Variants in RAP1A observed in about 807,000 individuals in gnomAD.
RAP1A encodes the protein ras-related protein Rap-1A.
RAP1A carries 6 observed loss-of-function variants against 26.4 expected under a neutral mutation model. The ratio of observed to expected loss-of-function variants is 0.23; its 90% CI spans 0.12 to 0.45. RAP1A has a LOEUF of 0.45. Ranked by LOEUF, RAP1A falls within the 20% of genes least tolerant of loss-of-function variation. RAP1A has a pLI of 0.99. For missense variants in RAP1A, 121 were observed against 217.2 expected (o/e 0.56, Z 2.78); for synonymous variants, 73 against 79.4 (o/e 0.92, Z 0.43).
chr1:111,617,111 G>A (rs140789271), upstream of RAP1A, among the ~76,000 whole-genome samples: 523 of 152,172 alleles, frequency 3.4e-3, 4 homozygotes, highest in Middle Eastern at 0.02. Flanking sequence ...ACCTCTCCTG[G>A]TGGAGCAATC....
intron 1 of RAP1A, among the ~76,000 whole-genome samples, chr1:111,680,312 C>G (rs929842954): frequency 2.6e-5 from 4 of 152,190 alleles, no homozygotes; most frequent in East Asian, 1.9e-4. Context: ...CGACTGCTGG[C>G]TGGGGTGGCC....
chr1:111,702,568 C>CTTT (rs761741419), intron 4 of RAP1A, among the ~76,000 whole-genome samples: 3 of 143,706 alleles, frequency 2.1e-5, no homozygotes, highest in African/African-American at 7.6e-5. Context: ...TGAACAAGCT[C>CTTT]TTTTTTTTTT....
rs1451105837 is a variant in RAP1A at position 111,571,960 on chromosome 1, T to C, written c.-28+29451T>C. Among the ~76,000 whole-genome samples the C allele has an allele frequency of 2.0e-5, 3 of 152,366 alleles. No homozygotes were observed. The East Asian group carries it at 5.8e-4, about 29-fold the overall frequency. On this transcript the variant is annotated intron_variant, in intron 1 of 7. Transcript: ENST00000356415. ...CTCCTTATTCCCTGACCCTCTTTAT[T>C]GAATCCTTGTGAGCTAACAGAATGA... is the stretch of plus-strand genomic sequence containing the variant.
chr1:111,662,272 G>A (rs768746106), intron 1 of RAP1A, among the ~76,000 whole-genome samples: 177 of 152,026 alleles, frequency 1.2e-3, no homozygotes, highest in Non-Finnish European at 1.9e-3. Flanking sequence ...GCAGGTGCCT[G>A]TAGTCCCAGC....
chr1:111,633,506 T>C (rs899820580), intron 1 of RAP1A, among the ~76,000 whole-genome samples: 2 of 152,214 alleles, frequency 1.3e-5, no homozygotes, highest in African/African-American at 2.4e-5. Flanking sequence ...TTTATTTGCA[T>C]GTTTAGATTT....
intron 1 of RAP1A, among the ~76,000 whole-genome samples, chr1:111,651,632 A>G (rs1660274932): frequency 1.3e-5 from 2 of 152,032 alleles, no homozygotes; most frequent in Non-Finnish European, 2.9e-5. Context: ...ATGTGCCACC[A>G]TGCCCAGCTG....
intron 1 of RAP1A, among the ~76,000 whole-genome samples, chr1:111,597,616 A>C (rs1250501243): frequency 6.6e-6 from 1 of 152,236 alleles, no homozygotes; most frequent in Non-Finnish European, 1.5e-5. Context: ...GCTAGTATTT[A>C]TGCAAACACA....
At chr1:111,688,981 C>T (rs1661586953) in intron 1 of RAP1A, among the ~76,000 whole-genome samples, 1 of 151,874 alleles carries the variant, frequency 6.6e-6, no homozygotes, top group Non-Finnish European at 1.5e-5. Flanking sequence ...ACCATAGGCA[C>T]ATGCCACCAC....
At chr1:111,627,431 A>G (rs1156485914) in intron 1 of RAP1A, 1 of 151,738 alleles carries the variant, frequency 6.6e-6, no homozygotes, top group Non-Finnish European at 1.5e-5. Flanking sequence ...TTGTACATGT[A>G]TCTTTGATTG....
chr1:111,563,847 G>A (rs1657843263), intron 1 of RAP1A: 1 of 1,612,054 alleles, frequency 6.2e-7, no homozygotes, highest in South Asian at 1.1e-5. Flanking sequence ...ATGACTCACT[G>A]TGACTCAGGA....
At chr1:111,684,173 G>A (rs1293799002) in intron 1 of RAP1A, among the ~76,000 whole-genome samples, 2 of 152,074 alleles carry the variant, frequency 1.3e-5, no homozygotes, top group African/African-American at 4.8e-5. Flanking sequence ...AAAATAATAA[G>A]AGCTATTTAT....
In RAP1A at chr1:111,713,154, C is replaced by T. The variant is rs936975632; in HGVS notation, c.*753C>T. On this transcript the variant is annotated 3_prime_UTR_variant, in exon 8 of 8. Coordinates refer to ENST00000369709, the MANE Select transcript of RAP1A (RefSeq NM_002884.4). ...TTTTGTTATTGTTTATAGATTAAAG[C>T]GTTTATTTTATAATGACCACATTGT... 6 of 152,430 alleles carry T rather than the reference C, an allele frequency of 3.9e-5. No homozygotes were observed. Among genetic ancestry groups the T allele is most frequent in the African/African-American group, 9.7e-5 (4 of 41,420 alleles). 9.4% of individuals were successfully genotyped at this position (152,430 alleles called of 1,614,324 possible).
intron 1 of RAP1A, among the ~76,000 whole-genome samples, chr1:111,562,318 T>C (rs1042061117): frequency 2.0e-5 from 3 of 152,294 alleles, no homozygotes; most frequent in African/African-American, 7.2e-5. Context: ...TCCTCAACCA[T>C]AATAGGAGGT....
chr1:111,650,462 T>C (rs914838381), intron 1 of RAP1A: 2 of 152,212 alleles, frequency 1.3e-5, no homozygotes, highest in East Asian at 1.9e-4. Context: ...AATTTGTGTG[T>C]CATTCTTATG....
chr1:111,691,633 G>A (rs1402081775), intron 2 of RAP1A, among the ~76,000 whole-genome samples: 1 of 152,106 alleles, frequency 6.6e-6, no homozygotes, highest in Non-Finnish European at 1.5e-5. Flanking sequence ...ATATTTATTG[G>A]CTATCTTATA....
At chr1:111,631,854 A>G (rs1659577264) in intron 1 of RAP1A, among the ~76,000 whole-genome samples, 1 of 152,064 alleles carries the variant, frequency 6.6e-6, no homozygotes, top group Non-Finnish European at 1.5e-5. Context: ...TACAAAGTAT[A>G]ATTTTCTCTT....
chr1:111,688,311 TTTTC>T (rs1263956927), intron 1 of RAP1A, among the ~76,000 whole-genome samples: 5 of 133,470 alleles, frequency 3.7e-5, no homozygotes, highest in East Asian at 2.2e-4. Context: ...ATATATATTT[TTTTC>T]TTTCTTTCTT....
chr1:111,592,286 A>G (rs1301443653), intron 1 of RAP1A, among the ~76,000 whole-genome samples: 3 of 152,228 alleles, frequency 2.0e-5, no homozygotes, highest in African/African-American at 7.2e-5. Context: ...AAACAATAAC[A>G]TTCTGAAAGC....
At chr1:111,629,251 T>C (rs2101100726) in intron 1 of RAP1A, among the ~76,000 whole-genome samples, 1 of 152,276 alleles carries the variant, frequency 6.6e-6, no homozygotes, top group African/African-American at 2.4e-5. Flanking sequence ...CTTTTAGTGT[T>C]CCTGTTTTCT....
Sources: gnomAD v4.1 joint callset for allele counts (sites outside exome capture counted in the v4.1 genomes callset) on GRCh38, gnomAD v4.1.1 for gene constraint, MANE v1.5 for transcripts, NCBI Gene and HGNC (gene_info 2026-07-23, HGNC 2026-07-21) for gene names.